Variants in CSMD2 observed in about 807,000 individuals in gnomAD.
CSMD2 encodes CUB and sushi domain-containing protein 2.
CSMD2 carries 130 observed loss-of-function variants against 398.5 expected under a neutral mutation model. That is an observed-to-expected ratio of 0.33 (90% CI 0.28 to 0.38). The LOEUF is 0.38. CSMD2 is among the 10% of genes least tolerant of loss of function. The probability of loss-of-function intolerance (pLI) is 1.00; values close to 1 mark genes in which losing one functional copy is unlikely to be tolerated. For missense variants in CSMD2, 3,829 were observed against 4,764.9 expected (o/e 0.80, Z 5.78); for synonymous variants, 1,828 against 1,908.5 (o/e 0.96, Z 1.10).
intron 10 of CSMD2, 49 bp downstream of exon 10, chr1:33,810,694 C>CA: frequency 6.3e-7 from 1 of 1,584,244 alleles, no homozygotes; most frequent in East Asian, 2.3e-5. Context: ...CAACTGTCCC[C>CA]AACCTAGCCC....
intron 5 of CSMD2, among the ~76,000 whole-genome samples, chr1:33,847,707 G>T (rs1051742648): frequency 1.3e-5 from 2 of 152,068 alleles, no homozygotes; most frequent in African/African-American, 4.8e-5. Flanking sequence ...CTCCTCAAAG[G>T]GGGCAATGTG....
intron 48 of CSMD2, among the ~76,000 whole-genome samples, chr1:33,577,855 C>A (rs776052337): frequency 1.2e-4 from 19 of 152,068 alleles, no homozygotes; most frequent in Non-Finnish European, 2.6e-4. Context: ...GCTGCGACTG[C>A]GGGGGTGTGG....
intron 12 of CSMD2, among the ~76,000 whole-genome samples, chr1:33,777,320 G>A (rs956321200): frequency 6.6e-6 from 1 of 152,164 alleles, no homozygotes; most frequent in Non-Finnish European, 1.5e-5. Context: ...AGAGCAGGGT[G>A]GGGTGAGAGT....
chr1:33,748,738 AC>A (rs1190279568), intron 13 of CSMD2, among the ~76,000 whole-genome samples: 1 of 152,226 alleles, frequency 6.6e-6, no homozygotes, highest in Non-Finnish European at 1.5e-5. Flanking sequence ...CATGAAAGAG[AC>A]AAAATAAAAT....
intron 1 of CSMD2, among the ~76,000 whole-genome samples, chr1:34,148,421 T>A (rs961673545): frequency 1.3e-5 from 2 of 152,158 alleles, no homozygotes; most frequent in Non-Finnish European, 2.9e-5. Flanking sequence ...AAAAGGAAAA[T>A]TGCATCTTTG....
chr1:34,148,151 C>T (rs2148545469), intron 1 of CSMD2, among the ~76,000 whole-genome samples: 1 of 152,310 alleles, frequency 6.6e-6, no homozygotes, highest in East Asian at 1.9e-4. Context: ...CCCCTTGCCA[C>T]CTACCTGATC....
chr1:33,604,647 C>T (rs1276120230), intron 42 of CSMD2, among the ~76,000 whole-genome samples: 4 of 152,090 alleles, frequency 2.6e-5, no homozygotes, highest in African/African-American at 9.7e-5. Context: ...TGATGGGATG[C>T]CAGAATGAAG....
At chr1:33,601,137 C>G (rs1419284378) in intron 43 of CSMD2, 127 bp from the exon 44 acceptor site, 1 of 1,215,160 alleles carries the variant, frequency 8.2e-7, no homozygotes, top group Non-Finnish European at 1.2e-6. Flanking sequence ...ACCAACACTT[C>G]CCCACACCAT....
intron 25 of CSMD2, among the ~76,000 whole-genome samples, chr1:33,667,678 G>A (rs1344653173): frequency 3.3e-5 from 5 of 152,140 alleles, no homozygotes; most frequent in Admixed American, 2.6e-4. Flanking sequence ...GATTGCATTC[G>A]GCTTAGCTGA....
intron 65 of CSMD2, among the ~76,000 whole-genome samples, chr1:33,525,835 C>T (rs895432430): frequency 9.9e-5 from 15 of 152,206 alleles, no homozygotes; most frequent in African/African-American, 2.6e-4. Context: ...CAGGCATGCA[C>T]CACCATGCCC....
chr1:34,118,529 T>C (rs564286747), intron 1 of CSMD2, among the ~76,000 whole-genome samples: 19 of 152,298 alleles, frequency 1.2e-4, no homozygotes, highest in African/African-American at 4.6e-4. Context: ...ACAAAACTGT[T>C]AGAACTAATA....
At chr1:34,006,248 T>C (rs1356732059) in intron 3 of CSMD2, among the ~76,000 whole-genome samples, 1 of 152,158 alleles carries the variant, frequency 6.6e-6, no homozygotes, top group South Asian at 2.1e-4. Context: ...TCAGGGTCCC[T>C]TAGTCCTTAA....
chr1:33,863,996 T>G (rs1639755637), intron 5 of CSMD2: 1 of 572,992 alleles, frequency 1.7e-6, no homozygotes, highest in Non-Finnish European at 3.1e-6. Flanking sequence ...TTGGCTGGCT[T>G]GTGGATGATG....
intron 5 of CSMD2, chr1:33,861,328 C>T (rs1237365408): frequency 5.9e-5 from 9 of 152,188 alleles, no homozygotes; most frequent in Non-Finnish European, 1.2e-4. Flanking sequence ...TAGCCACACT[C>T]ATTGGTTTAG....
Position 33,572,771 on chromosome 1 carries a change from C to T in CSMD2, c.7577-80G>A, listed in dbSNP as rs1049972913. The stretch of plus-strand genomic sequence containing the variant: ...AACTATTTTTATCCTTCCTCCCCTC[C>T]CAAGGTCCTTTTATTAGTAAAAACT... On this transcript the variant is annotated intron_variant, in intron 49 of 70. Transcript: ENST00000373381. The T allele has an allele frequency of 1.9e-5, 23 of 1,191,298 alleles. No individual in the cohort carries two copies. The Admixed American group carries it at 4.8e-4, about 25-fold the overall frequency. 73.8% of individuals were successfully genotyped at this position (1,191,298 alleles called of 1,614,324 possible).
intron 1 of CSMD2, among the ~76,000 whole-genome samples, chr1:34,094,087 G>T (rs1400371230): frequency 6.6e-6 from 1 of 152,146 alleles, no homozygotes; most frequent in Non-Finnish European, 1.5e-5. Context: ...AGCCAGAAGA[G>T]AGTGGGGGCC....
chr1:34,004,132 G>A (rs1284095592), intron 3 of CSMD2, among the ~76,000 whole-genome samples: 3 of 152,144 alleles, frequency 2.0e-5, no homozygotes, highest in Non-Finnish European at 2.9e-5. Flanking sequence ...CAGATGTCTG[G>A]GGAAATATAA....
chr1:33,962,392 G>A (rs1341647473), intron 3 of CSMD2, among the ~76,000 whole-genome samples: 1 of 152,164 alleles, frequency 6.6e-6, no homozygotes, highest in Non-Finnish European at 1.5e-5. Context: ...TAAAGCATGT[G>A]CAGCATCTGT....
intron 5 of CSMD2, chr1:33,863,984 G>C (rs1479368432): frequency 1.8e-6 from 1 of 557,192 alleles, no homozygotes; most frequent in African/African-American, 1.9e-5. Flanking sequence ...TGTTGGCTGG[G>C]ATTGGCTGGC....
Sources: gnomAD v4.1 joint callset for allele counts (sites outside exome capture counted in the v4.1 genomes callset) on GRCh38, gnomAD v4.1.1 for gene constraint, MANE v1.5 for transcripts, NCBI Gene and HGNC (gene_info 2026-07-23, HGNC 2026-07-21) for gene names.